The following PKNOX1 variants were observed in gnomAD, a reference collection of about 807,000 sequenced individuals.
PKNOX1 encodes the protein PBX/knotted 1 homeobox 1, also known as homeobox protein PKNOX1.
Under a neutral mutation model 51.9 loss-of-function variants are expected in PKNOX1, and 15 were observed. That is an observed-to-expected ratio of 0.29 (90% confidence interval 0.19 to 0.45). The LOEUF (loss-of-function observed/expected upper bound fraction) is 0.45, where lower values mean the gene tolerates loss of function less well. Ranked by LOEUF, PKNOX1 falls within the 20% of genes least tolerant of loss-of-function variation. The pLI, the probability that PKNOX1 is intolerant of heterozygous loss-of-function variation, is 1.00. For missense variants in PKNOX1, 462 were observed against 547.5 expected (o/e 0.84, Z 1.56); for synonymous variants, 219 against 211.1 (o/e 1.04, Z -0.32).
chr21:42,999,852 C>G (rs769549592), intron 1 of PKNOX1, among the ~76,000 whole-genome samples: 8 of 152,104 alleles, frequency 5.3e-5, no homozygotes, highest in Non-Finnish European at 8.8e-5. Context: ...TTTATAAAAC[C>G]GAATGCTTTC....
chr21:43,011,364 C>T (rs971624462), intron 4 of PKNOX1, among the ~76,000 whole-genome samples: 11 of 152,126 alleles, frequency 7.2e-5, no homozygotes, highest in South Asian at 2.1e-4. Context: ...CCACCACGCC[C>T]GGCGACAGCT....
intron 6 of PKNOX1, 192 bp from the exon 7 acceptor site, chr21:43,017,941 G>T: frequency 1.9e-6 from 1 of 539,652 alleles, no homozygotes; most frequent in South Asian, 2.4e-5. Flanking sequence ...TGGTCGCAGT[G>T]CCTCACATCT....
At chr21:43,029,313 T>C (rs1165435123) in intron 10 of PKNOX1, among the ~76,000 whole-genome samples, 1 of 152,156 alleles carries the variant, frequency 6.6e-6, no homozygotes, top group Non-Finnish European at 1.5e-5. Flanking sequence ...TCCCCTGACG[T>C]AGGCAGCCAT....
intron 7 of PKNOX1, among the ~76,000 whole-genome samples, chr21:43,019,672 A>C (rs1333701907): frequency 1.3e-5 from 2 of 151,782 alleles, no homozygotes; most frequent in Non-Finnish European, 2.9e-5. Flanking sequence ...CCTCCCGAGT[A>C]GCTGGGATTA....
In PKNOX1 at chr21:43,028,532, G is replaced by A. The variant is rs576960607; in HGVS notation, c.927-170G>A. Reference sequence around the variant, plus strand: ...GGCTCTGTGTTTCTGGGCATTTAGAGAATTCAGAAGAGCTGTTGAGTCCTC... The same window carrying A: ...GGCTCTGTGTTTCTGGGCATTTAGAAAATTCAGAAGAGCTGTTGAGTCCTC... On this transcript the variant is annotated intron_variant, in intron 9 of 10. Transcript: ENST00000291547. The A allele has an allele frequency of 1.4e-5, 9 of 663,740 alleles. No individual in the cohort carries two copies. The South Asian group carries it at 1.7e-4, about 12-fold the overall frequency. The allele number at this position is 663,740 out of a possible 1,614,324, so 41.1% of individuals were successfully genotyped here.
intron 10 of PKNOX1, 53 bp downstream of exon 10, chr21:43,028,927 G>A (rs908061111): frequency 8.3e-6 from 13 of 1,565,878 alleles, no homozygotes; most frequent in Non-Finnish European, 1.1e-5. Flanking sequence ...TGGGGATTAT[G>A]AACAAGAGGC....
chr21:43,024,574 C>T (rs1225086768), intron 8 of PKNOX1: 14 of 326,950 alleles, frequency 4.3e-5, no homozygotes, highest in Middle Eastern at 8.7e-4. Flanking sequence ...GTAGACTCAC[C>T]GCTGGACTGC....
intron 10 of PKNOX1, 113 bp downstream of exon 10, chr21:43,028,987 GT>G: frequency 1.0e-6 from 1 of 990,222 alleles, no homozygotes; most frequent in Non-Finnish European, 1.6e-6. Context: ...GTGAACGAGA[GT>G]GCGTGGTTCT....
At chr21:43,023,035 G>A (rs1290602585) in intron 8 of PKNOX1, among the ~76,000 whole-genome samples, 1 of 152,054 alleles carries the variant, frequency 6.6e-6, no homozygotes, top group African/African-American at 2.4e-5. Flanking sequence ...ATCATGTCCA[G>A]TGAAGACGCC....
At chr21:42,982,046 C>T (rs1351958314) in intron 1 of PKNOX1, among the ~76,000 whole-genome samples, 1 of 152,190 alleles carries the variant, frequency 6.6e-6, no homozygotes, top group African/African-American at 2.4e-5. Context: ...AGTGGGGGCT[C>T]ACCCAGCCTT....
At chr21:43,001,815 C>T (rs1467179464) in intron 1 of PKNOX1, among the ~76,000 whole-genome samples, 1 of 151,880 alleles carries the variant, frequency 6.6e-6, no homozygotes, top group Non-Finnish European at 1.5e-5. Context: ...AAAAAATTAG[C>T]CGGACGTAGT....
At chr21:43,009,601 A>T (rs534373989) in intron 3 of PKNOX1, among the ~76,000 whole-genome samples, 1 of 95,076 alleles carries the variant, frequency 1.1e-5, no homozygotes, top group Non-Finnish European at 1.9e-5. Context: ...ACAGAGTGAG[A>T]CTCCATCTCA....
At position 43,016,961 on chromosome 21, in the gene PKNOX1, G is replaced by A. The variant is rs200529595; in HGVS notation, c.576G>A (p.Pro192=). 255 of 1,612,846 alleles carry A rather than the reference G, an allele frequency of 1.6e-4. No individual in the cohort carries two copies. In the East Asian group the frequency reaches 4.7e-3, roughly 29 times the overall value. ...TCAGCCCTCAGGGAATTGTGGTGCC[G>A]GCGTCCGCGCTGCAGCAGGGAAACG... ...GTISPQGIVV[P]ASALQQGNVA... The change falls in exon 6 of 11, where the codon CCG becomes CCA. Residue 192 remains proline (P), a synonymous_variant. Transcript: ENST00000291547.
In PKNOX1 at chr21:43,028,681, GCT is replaced by G; in HGVS notation, c.927-20_927-19del. 6.2e-7 allele frequency: 1 copy of G among 1,611,126 alleles called. No homozygotes were observed. Among genetic ancestry groups the G allele is most frequent in the Admixed American group, 1.7e-5 (1 of 59,368 alleles). On this transcript the variant is annotated intron_variant, in intron 9 of 10. Coordinates refer to ENST00000291547, the MANE Select transcript of PKNOX1 (RefSeq NM_004571.5). ...CTTTACGAAGGCTGTTTTCATGGAA[GCT>G]TCTCTTTGTTGACTCCAGGTTCATC...
intron 1 of PKNOX1, among the ~76,000 whole-genome samples, chr21:42,993,757 G>C (rs1483465547): frequency 1.6e-5 from 2 of 122,784 alleles, no homozygotes; most frequent in Non-Finnish European, 3.2e-5. Context: ...TTTTGAAACA[G>C]AGTCTCGTTC....
rs778239127 is a variant in PKNOX1, at chr21:43,024,862, T to G, written c.850-9T>G. On this transcript the variant is annotated splice_polypyrimidine_tract_variant and intron_variant, in intron 8 of 10. Transcript: ENST00000291547. ...GAAGGCCATGGTAACCTTCTTTTTT[T>G]ATTTTCAGCATCCCTACCCAACAGA... 6.3e-7 allele frequency: 1 copy of G among 1,596,164 alleles called. No individual in the cohort carries two copies. Among genetic ancestry groups the G allele is most frequent in the Non-Finnish European group, 8.6e-7 (1 of 1,164,748 alleles).
At position 42,978,801 on chromosome 21, in the gene PKNOX1, A is replaced by T. The variant is rs561485966; in HGVS notation, c.-57+4137A>T. Among the ~76,000 whole-genome samples, 209 of 151,002 alleles carry T rather than the reference A, an allele frequency of 1.4e-3. 7 individuals are homozygous for T. In the South Asian group the frequency reaches 0.042, roughly 30 times the overall value. On this transcript the variant is annotated intron_variant, in intron 1 of 10. Coordinates refer to ENST00000291547, the MANE Select transcript of PKNOX1 (RefSeq NM_004571.5). Reference sequence around the variant, plus strand: ...ACCCAGCCCTTTTTTGTTTTTTTTTAAAGAGATGAAGTCTCCCTATGTTAT... The same window carrying T: ...ACCCAGCCCTTTTTTGTTTTTTTTTTAAGAGATGAAGTCTCCCTATGTTAT...
At chr21:42,980,153 G>A (rs2146219575) in intron 1 of PKNOX1, among the ~76,000 whole-genome samples, 2 of 152,192 alleles carry the variant, frequency 1.3e-5, no homozygotes, top group African/African-American at 4.8e-5. Flanking sequence ...TGGGTGGATT[G>A]CCTGAGGTCA....
Position 43,007,495 on chromosome 21 carries a change from AAGT to A in PKNOX1, c.61_63del (p.Val21del). 1 of 1,613,634 alleles carries A rather than the reference AAGT, an allele frequency of 6.2e-7. No homozygotes were observed. The highest frequency in any genetic ancestry group is 8.5e-7 in the Non-Finnish European group (1 of 1,179,574). Reference sequence around the variant, plus strand: ...ATTATCTTCCTCCTTTTACAGATGCAAGTAGTAACAGAGTTAAAGACAGAACAA... The same window carrying A: ...ATTATCTTCCTCCTTTTACAGATGCAAGTAACAGAGTTAAAGACAGAACAA... On this transcript the variant is annotated inframe_deletion, in exon 3 of 11. Transcript: ENST00000291547.
Sources: allele counts gnomAD v4.1 joint callset (sites outside exome capture counted in the v4.1 genomes callset), GRCh38; gene constraint gnomAD v4.1.1; transcripts MANE v1.5; gene names NCBI Gene and HGNC (gene_info 2026-07-23, HGNC 2026-07-21).